The following GSE1 variants were observed in gnomAD, a reference collection of about 807,000 sequenced individuals.
GSE1 encodes the protein genetic suppressor element 1.
A neutral mutation model predicts 112.6 loss-of-function variants in GSE1; 32 were observed. The observed-to-expected ratio is 0.28, with a 90% CI of 0.21 to 0.38. The LOEUF is 0.38. Ranked by LOEUF, GSE1 falls within the 10% of genes least tolerant of loss-of-function variation. The pLI, the probability that GSE1 is intolerant of heterozygous loss-of-function variation, is 1.00. For synonymous variants in GSE1, 1,115 were observed against 735.6 expected (o/e 1.52, Z -8.35); for missense variants, 2,348 against 1,699.2 (o/e 1.38, Z -6.71).
At chr16:85,252,437 T>C (rs1329336398) in intron 1 of GSE1, among the ~76,000 whole-genome samples, 3 of 151,598 alleles carry the variant, frequency 2.0e-5, no homozygotes, top group African/African-American at 7.2e-5. Context: ...CTAGACACTT[T>C]CTGGTTTAAG....
chr16:85,468,495 T>G (rs1471907554), intron 2 of GSE1, among the ~76,000 whole-genome samples: 2 of 152,010 alleles, frequency 1.3e-5, no homozygotes, highest in African/African-American at 2.4e-5. Context: ...TTTTGTATTC[T>G]TAGTAGAGAT....
At chr16:85,567,726 T>C (rs1452466816) in intron 1 of GSE1, among the ~76,000 whole-genome samples, 3 of 152,162 alleles carry the variant, frequency 2.0e-5, no homozygotes, top group Non-Finnish European at 1.5e-5. Flanking sequence ...AGGCTTCATC[T>C]CTTTTTGTTT....
chr16:85,367,142 C>A (rs760876986), intron 2 of GSE1, among the ~76,000 whole-genome samples: 1 of 152,240 alleles, frequency 6.6e-6, no homozygotes, highest in Non-Finnish European at 1.5e-5. Context: ...TCGGCTGGTC[C>A]GTTTGGCACC....
At chr16:85,225,381 G>A (rs2075467130) in intron 1 of GSE1, among the ~76,000 whole-genome samples, 1 of 152,174 alleles carries the variant, frequency 6.6e-6, no homozygotes, top group Admixed American at 6.5e-5. Context: ...GCCCGAGGAG[G>A]GAACGGGTGT....
At chr16:85,240,332 C>A (rs549263780) in intron 1 of GSE1, among the ~76,000 whole-genome samples, 1 of 152,106 alleles carries the variant, frequency 6.6e-6, no homozygotes, top group South Asian at 2.1e-4. Flanking sequence ...CTTCCCCAGC[C>A]GCACAGCCAC....
intron 12 of GSE1, among the ~76,000 whole-genome samples, chr16:85,665,623 A>T (rs1176874749): frequency 6.6e-6 from 1 of 152,208 alleles, no homozygotes; most frequent in Non-Finnish European, 1.5e-5. Context: ...CTGCCCTGTC[A>T]GATGTCAGAG....
At chr16:85,436,904 G>A (rs1304456825) in intron 2 of GSE1, among the ~76,000 whole-genome samples, 1 of 152,228 alleles carries the variant, frequency 6.6e-6, no homozygotes, top group African/African-American at 2.4e-5. Context: ...GGGGCGGGCT[G>A]GAGGCAACCT....
rs75515372 is a variant in GSE1, at chr16:85,481,704, G to A, written c.2464+124061G>A. Among the ~76,000 whole-genome samples, 768 of 152,292 alleles carry A rather than the reference G, an allele frequency of 5.0e-3. 5 individuals are homozygous for A. Among genetic ancestry groups the A allele is most frequent in the African/African-American group, 0.018 (739 of 41,558 alleles). Reference sequence around the variant, plus strand: ...GCAGCTCCTTTTGACCTTGGGTGTCGCTAATTCTGCCGCCAGAGCAAATGC... The same window carrying A: ...GCAGCTCCTTTTGACCTTGGGTGTCACTAATTCTGCCGCCAGAGCAAATGC... On this transcript the variant is annotated intron_variant, in intron 2 of 2. Transcript: ENST00000637419.
intron 3 of GSE1, among the ~76,000 whole-genome samples, chr16:85,653,096 C>T (rs866581593): frequency 6.7e-6 from 1 of 149,008 alleles, no homozygotes; most frequent in Non-Finnish European, 1.5e-5. Context: ...GGGCTGAGAA[C>T]GGCTGCCCCA....
In GSE1 at chr16:85,304,605, G is replaced by GT. The variant is rs1555557441; in HGVS notation, c.2284-52858_2284-52857insT. ...TGGCAGCTGCCAAGCCGGGGGCGGG[G>GT]GGGTGGGGCATCCCTTTTGCCTTGA... On this transcript the variant is annotated intron_variant, in intron 1 of 2. Coordinates refer to the GSE1 transcript ENST00000637419. Among the ~76,000 whole-genome samples the GT allele has an allele frequency of 2.6e-3, 339 of 130,182 alleles. 7 individuals are homozygous for GT. Among genetic ancestry groups the GT allele is most frequent in the African/African-American group, 9.8e-3 (323 of 32,818 alleles). The allele number at this position is 130,182 out of a possible 152,430, so 85.4% of individuals were successfully genotyped here. A position where few individuals can be genotyped will look rare whatever the true frequency, so the allele number is the denominator to read the frequency against.
chr16:85,644,809 G>C (rs1006444223), intron 2 of GSE1, among the ~76,000 whole-genome samples: 2 of 152,048 alleles, frequency 1.3e-5, no homozygotes, highest in Non-Finnish European at 2.9e-5. Context: ...ATCATAGCTC[G>C]GTGAAGCTAT....
intron 1 of GSE1, among the ~76,000 whole-genome samples, chr16:85,244,574 G>A (rs1353172975): frequency 6.6e-6 from 1 of 152,202 alleles, no homozygotes. Flanking sequence ...ACCAGGCCAG[G>A]TGCAGTGGCT....
chr16:85,563,341 A>T (rs1049782059), intron 1 of GSE1, among the ~76,000 whole-genome samples: 7 of 151,972 alleles, frequency 4.6e-5, no homozygotes, highest in Non-Finnish European at 1.5e-5. Context: ...GGTAAAAGGA[A>T]AAAAAATCAG....
intron 2 of GSE1, among the ~76,000 whole-genome samples, chr16:85,486,915 G>A (rs995730759): frequency 3.3e-5 from 5 of 152,320 alleles, no homozygotes; most frequent in African/African-American, 4.8e-5. Context: ...GGATTCAGGC[G>A]AAAGTATAGT....
chr16:85,266,354 G>T (rs1908250692), intron 1 of GSE1, among the ~76,000 whole-genome samples: 1 of 152,192 alleles, frequency 6.6e-6, no homozygotes, highest in Non-Finnish European at 1.5e-5. Flanking sequence ...CTTCTGTTGA[G>T]CCAAATTGGA....
At chr16:85,400,301 CTG>C (rs2048072144) in intron 2 of GSE1, among the ~76,000 whole-genome samples, 1 of 146,438 alleles carries the variant, frequency 6.8e-6, no homozygotes, top group African/African-American at 2.6e-5. Flanking sequence ...GTGTGTGTTT[CTG>C]TGTATGATTT....
chr16:85,498,606 T>G (rs928371784), intron 2 of GSE1, among the ~76,000 whole-genome samples: 3 of 152,186 alleles, frequency 2.0e-5, no homozygotes, highest in Admixed American at 6.5e-5. Context: ...TGTGTATATA[T>G]GTACATACCA....
intron 1 of GSE1, among the ~76,000 whole-genome samples, chr16:85,629,282 C>T (rs953312693): frequency 5.9e-5 from 9 of 152,166 alleles, no homozygotes; most frequent in African/African-American, 1.7e-4. Context: ...CCACCCAGCC[C>T]GTGCCTGTGG....
chr16:85,302,807 G>A (rs896529646), intron 1 of GSE1, among the ~76,000 whole-genome samples: 1 of 152,218 alleles, frequency 6.6e-6, no homozygotes, highest in Non-Finnish European at 1.5e-5. Context: ...GGTGCGGTGT[G>A]CTGGGCAGGG....
Sources: gnomAD v4.1 joint callset for allele counts (sites outside exome capture counted in the v4.1 genomes callset) on GRCh38, gnomAD v4.1.1 for gene constraint, MANE v1.5 for transcripts, NCBI Gene and HGNC (gene_info 2026-07-23, HGNC 2026-07-21) for gene names.